DPP8: variants seen among roughly 807,000 people sequenced by gnomAD.
The protein encoded by DPP8 is DPP VIII.
In DPP8, 31 loss-of-function variants were observed where a neutral mutation model predicts 107.5. That is an observed-to-expected ratio of 0.29 (90% CI 0.22 to 0.39). DPP8 has a LOEUF of 0.39. Among genes scored for constraint, DPP8 ranks in the 10% least tolerant of loss-of-function variants. The pLI is 1.00. For missense variants in DPP8, 842 were observed against 1,076.1 expected, an observed-to-expected ratio of 0.78 and a Z score of 3.04; for synonymous variants, 381 against 356.6, an observed-to-expected ratio of 1.07 and a Z score of -0.77.
intron 5 of DPP8, among the ~76,000 whole-genome samples, chr15:65,490,641 A>G (rs2067934386): frequency 6.6e-6 from 1 of 152,212 alleles, no homozygotes; most frequent in Non-Finnish European, 1.5e-5. Flanking sequence ...GATCATGGAA[A>G]AAAGATTACA....
chr15:65,512,511 A>G lies in DPP8; in HGVS notation c.43T>C (p.Phe15Leu). 1 of 1,614,146 alleles carries G rather than the reference A, an allele frequency of 6.2e-7. No individual in the cohort carries two copies. The change falls in exon 2 of 20, where the codon TTT becomes CTT. Residue 15 changes from phenylalanine to leucine, a missense_variant. Physicochemically the swap from Phe to Leu is conservative, Grantham distance 22. Around this residue, in one of 2 missense-constraint regions of DPP8, gnomAD observed 663 missense variants for 758.0 expected, o/e 0.87. Coordinates refer to ENST00000300141, the MANE Select transcript of DPP8 (RefSeq NM_130434.5). ...TTCTCCTCACAGTCCGCAGTTTCAA[A>G]TATCTCAACACCCAGCTGTTCTGTT... The part of the protein sequence containing the change: ...METEQLGVEI[F>L]ETADCEENIE...
chr15:65,448,610 T>C (rs2063645231), intron 19 of DPP8, among the ~76,000 whole-genome samples: 2 of 142,390 alleles, frequency 1.4e-5, no homozygotes, highest in South Asian at 4.4e-4. Context: ...AGGCGGAGCT[T>C]GCAGTAAGCC....
At chr15:65,482,638 A>G (rs2067035204) in intron 8 of DPP8, among the ~76,000 whole-genome samples, 1 of 152,248 alleles carries the variant, frequency 6.6e-6, no homozygotes, top group South Asian at 2.1e-4. Flanking sequence ...TTAAAAGTCT[A>G]GTAAACACAA....
In DPP8 at chr15:65,487,728, T is replaced by C. The variant is rs1202059158; in HGVS notation, c.917A>G (p.Glu306Gly). 2 of 1,610,136 alleles carry C rather than the reference T, an allele frequency of 1.2e-6. No homozygotes were observed. Among genetic ancestry groups the C allele is most frequent in the Admixed American group, 1.7e-5 (1 of 59,622 alleles). ...EIIHVTSPML[E>G]TRRADSFRYP... ...ACGGAATGAATCTGCCCTCCTTGTT[T>C]CCAACATAGGGGATGTAACATGAAT... is the stretch of plus-strand genomic sequence containing the variant. Residue 306 changes from glutamate (E) to glycine (G), a missense_variant, in exon 7 of 20, where the codon GAA (glutamate) becomes GGA (glycine). By Grantham distance (98) the Glu-to-Gly change is moderately conservative. Around this residue, in one of 2 missense-constraint regions of DPP8, gnomAD observed 663 missense variants for 758.0 expected, o/e 0.87. Coordinates refer to ENST00000300141, the MANE Select transcript of DPP8 (RefSeq NM_130434.5).
At chr15:65,475,604 T>A in intron 11 of DPP8, 2 of 1,034,608 alleles carry the variant, frequency 1.9e-6, no homozygotes, top group Non-Finnish European at 3.0e-6. Context: ...GGTAGCCATA[T>A]CAGCTATTTC....
chr15:65,472,080 AT>A (rs1227605530), intron 12 of DPP8, among the ~76,000 whole-genome samples: 8 of 151,670 alleles, frequency 5.3e-5, no homozygotes, highest in East Asian at 3.9e-4. Context: ...CAAAAACGCA[AT>A]TTTTTTTTCT....
chr15:65,447,796 A>G (rs2063579563), intron 19 of DPP8, among the ~76,000 whole-genome samples: 1 of 152,218 alleles, frequency 6.6e-6, no homozygotes, highest in Non-Finnish European at 1.5e-5. Context: ...TGCCAATGAT[A>G]AAATCTGGGC....
At chr15:65,448,822 A>G (rs1340699098) in intron 19 of DPP8, among the ~76,000 whole-genome samples, 4 of 134,514 alleles carry the variant, frequency 3.0e-5, no homozygotes, top group Non-Finnish European at 6.4e-5. Flanking sequence ...ATATATATCT[A>G]AAGTATACAT....
At chr15:65,473,411 C>G (rs1338883836) in intron 12 of DPP8, among the ~76,000 whole-genome samples, 1 of 151,012 alleles carries the variant, frequency 6.6e-6, no homozygotes, top group Non-Finnish European at 1.5e-5. Context: ...TGAAAGAAAA[C>G]TGATAAATGT....
intron 12 of DPP8, among the ~76,000 whole-genome samples, chr15:65,469,105 A>T (rs1439704399): frequency 6.6e-6 from 1 of 152,148 alleles, no homozygotes; most frequent in South Asian, 2.1e-4. Flanking sequence ...CCTCCTGAGT[A>T]GCTGGGATTA....
chr15:65,477,705 TG>T (rs888634296), intron 11 of DPP8, among the ~76,000 whole-genome samples: 1 of 151,808 alleles, frequency 6.6e-6, no homozygotes, highest in African/African-American at 2.4e-5. Flanking sequence ...AATTTTTTTT[TG>T]TATTTTTAGT....
In DPP8 at chr15:65,500,673, C is replaced by T. The variant is rs2069125007; in HGVS notation, c.479G>A (p.Gly160Glu). Residue 160 changes from glycine to glutamate, a missense_variant, in exon 4 of 20, where the codon GGA (glycine) becomes GAA (glutamate). Around this residue, in one of 2 missense-constraint regions of DPP8, gnomAD observed 663 missense variants for 758.0 expected, o/e 0.87. Transcript: ENST00000300141. ...IASYDYHQGS[G>E]TFLFQAGSGI... ...ACTACCGGCTTGAAACAGAAATGTT[C>T]CACTTCCTTGGTGATAATCGTAAGA... 6.2e-7 allele frequency: 1 copy of T among 1,613,810 alleles called. No homozygotes were observed. Among genetic ancestry groups the T allele is most frequent in the Non-Finnish European group, 8.5e-7 (1 of 1,179,858 alleles).
chr15:65,500,019 CTGAG>C (rs1240587431), intron 4 of DPP8, among the ~76,000 whole-genome samples: 1 of 152,150 alleles, frequency 6.6e-6, no homozygotes, highest in African/African-American at 2.4e-5. Context: ...CCTCAGACTC[CTGAG>C]TATCTGGGAT....
intron 7 of DPP8, among the ~76,000 whole-genome samples, chr15:65,487,104 T>C (rs1416417294): frequency 2.0e-5 from 3 of 152,022 alleles, no homozygotes; most frequent in African/African-American, 7.2e-5. Context: ...AAATCACTTA[T>C]TATGAAAAAT....
chr15:65,456,405 GGA>G (rs776842189), intron 15 of DPP8, 34 bp from the exon 16 acceptor site: 25 of 1,584,626 alleles, frequency 1.6e-5, no homozygotes, highest in Non-Finnish European at 1.9e-5. Flanking sequence ...TTTATCATAT[GGA>G]AGCATATAAA....
chr15:65,482,028 G>C (rs1422535551), intron 8 of DPP8, among the ~76,000 whole-genome samples: 2 of 151,512 alleles, frequency 1.3e-5, no homozygotes, highest in African/African-American at 4.8e-5. Flanking sequence ...ATGTGTGTGT[G>C]TGTGTATATA....
At chr15:65,467,304 T>C in intron 12 of DPP8, 81 bp from the exon 13 acceptor site, 1 of 1,410,186 alleles carries the variant, frequency 7.1e-7, no homozygotes, top group Non-Finnish European at 9.9e-7. Context: ...TACAATCACT[T>C]GAGCCACTCC....
chr15:65,443,697 G>A lies in DPP8; in HGVS notation c.*3187C>T, dbSNP rs990003287. On this transcript the variant is annotated 3_prime_UTR_variant, in exon 20 of 20. Transcript: ENST00000300141. ...TCTCCTGCTGCTTTCAGAGTGAGAC[G>A]GGGCCAAATAGTTACCACAGATGAG... 4.6e-5 allele frequency: 7 copies of A among 152,216 alleles called. No individual in the cohort carries two copies. Among genetic ancestry groups the A allele is most frequent in the African/African-American group, 1.7e-4 (7 of 41,520 alleles). The allele number at this position is 152,216 out of a possible 1,614,324, so 9.4% of individuals were successfully genotyped here.
At chr15:65,509,414 T>C (rs2070473719) in intron 2 of DPP8, among the ~76,000 whole-genome samples, 2 of 152,360 alleles carry the variant, frequency 1.3e-5, no homozygotes. Context: ...GCTTTATCCA[T>C]GACCAGTAAA....
Sources: allele counts gnomAD v4.1 joint callset (sites outside exome capture counted in the v4.1 genomes callset), GRCh38; gene constraint gnomAD v4.1.1; regional missense constraint gnomAD v4.1.1; transcripts MANE v1.5; gene names NCBI Gene and HGNC (gene_info 2026-07-23, HGNC 2026-07-21).